Variants in TTC21B observed in about 807,000 individuals in gnomAD.
TTC21B encodes tetratricopeptide repeat protein 21B.
A neutral mutation model predicts 175.1 loss-of-function variants in TTC21B; 127 were observed. That is an observed-to-expected ratio of 0.73 (90% CI 0.63 to 0.84). TTC21B has a LOEUF of 0.84. TTC21B is among the 40% of genes least tolerant of loss of function. The pLI is 0.00. For synonymous variants in TTC21B, 524 were observed against 524.5 expected, an observed-to-expected ratio of 1.00 and a Z score of 0.01; for missense variants, 1,561 against 1,558.3, an observed-to-expected ratio of 1.00 and a Z score of -0.03.
At chr2:165,899,986 A>T in intron 20 of TTC21B, 106 bp from the exon 21 acceptor site, 1 of 678,674 alleles carries the variant, frequency 1.5e-6, no homozygotes, top group Non-Finnish European at 2.7e-6. Flanking sequence ...AGTCATTGCA[A>T]TAAAATGCCA....
chr2:165,941,802 T>A (rs1687378182), intron 5 of TTC21B, among the ~76,000 whole-genome samples: 1 of 152,110 alleles, frequency 6.6e-6, no homozygotes, highest in African/African-American at 2.4e-5. Flanking sequence ...TAATAAAATG[T>A]TAAGTAATCA....
chr2:165,946,897 C>T (rs1291668692), intron 3 of TTC21B, among the ~76,000 whole-genome samples: 1 of 151,658 alleles, frequency 6.6e-6, no homozygotes, highest in Non-Finnish European at 1.5e-5. Context: ...AATAGAAAGG[C>T]TGTATATACT....
chr2:165,928,708 CT>C (rs72386101), intron 11 of TTC21B: 50,744 of 161,168 alleles, frequency 0.31, 7,221 homozygotes, highest in Non-Finnish European at 0.39. Context: ...ATGGTCCTTT[CT>C]TTTTTTTTTT....
chr2:165,923,001 C>T (rs1686473556), intron 12 of TTC21B, among the ~76,000 whole-genome samples: 1 of 152,142 alleles, frequency 6.6e-6, no homozygotes, highest in Admixed American at 6.5e-5. Context: ...AAACCAAATA[C>T]TGTATGTTCT....
Position 165,888,409 on chromosome 2 carries a change from T to G in TTC21B, c.3329A>C (p.Glu1110Ala). ...ACCCTGAACAGTCTGAGGTTTTAGT[T>G]CCTTAAGAAGTTTTTCTGCTGTTCT... ...AVRTAEKLLK[E>A]LKPQTVQGHV... Residue 1110 changes from glutamate to alanine, a missense_variant, in exon 25 of 29, where the codon GAA becomes GCA. Transcript: ENST00000243344. The G allele has an allele frequency of 6.2e-7, 1 of 1,613,952 alleles. No individual in the cohort carries two copies. The highest frequency in any genetic ancestry group is 1.1e-5 in the South Asian group (1 of 91,080).
chr2:165,930,402 TA>T (rs1438402052), intron 8 of TTC21B, 38 bp from the exon 9 acceptor site: 1 of 1,452,964 alleles, frequency 6.9e-7, no homozygotes, highest in Non-Finnish European at 9.5e-7. Context: ...TTTCAAAGTC[TA>T]ACATTTCTAC....
rs200255917 is a variant in TTC21B at position 165,932,985 on chromosome 2, C to A, written c.783G>T (p.Gly261=). The A allele has an allele frequency of 8.2e-5, 132 of 1,612,612 alleles. No homozygotes were observed. Among genetic ancestry groups the A allele is most frequent in the Admixed American group, 1.3e-4 (8 of 59,968 alleles). The change falls in exon 7 of 29, where the codon GGG becomes GGT. Residue 261 remains glycine, a synonymous_variant. Transcript: ENST00000243344. ...MQALYYVCRE[G]DIEKASTKLE... is the part of the protein sequence containing the mutation. Reference sequence around the variant, plus strand: ...CAATGCCACTTACCTTCTCTATATCCCCCTCTCTACACACATAGTAGAGTG... The same window carrying A: ...CAATGCCACTTACCTTCTCTATATCACCCTCTCTACACACATAGTAGAGTG...
At position 165,901,872 on chromosome 2, in the gene TTC21B, C is replaced by A. The variant is rs779420359; in HGVS notation, c.2607G>T (p.Gln869His). ...ELQARVLKRV[Q>H]MEQPDAVPAQ... ...CAGGAACTGCATCTGGCTGTTCCAT[C>A]TGAACACGTTTTAGTACCCGAGCTT... The change falls in exon 20 of 29, where the codon CAG becomes CAT. Residue 869 changes from glutamine (Q) to histidine (H), a missense_variant. Gln to His is a conservative substitution (Grantham distance 24). Transcript: ENST00000243344. The A allele has an allele frequency of 1.9e-6, 3 of 1,613,590 alleles. No individual in the cohort carries two copies. The highest frequency in any genetic ancestry group is 2.5e-6 in the Non-Finnish European group (3 of 1,179,944).
At chr2:165,931,072 C>A (rs1419046316) in intron 8 of TTC21B, among the ~76,000 whole-genome samples, 3 of 152,018 alleles carry the variant, frequency 2.0e-5, no homozygotes, top group African/African-American at 7.2e-5. Flanking sequence ...CTCCTTAATT[C>A]AAACTTTCGT....
intron 14 of TTC21B, 21 bp downstream of exon 14, chr2:165,917,236 T>C (rs1686208611): frequency 6.2e-7 from 1 of 1,606,258 alleles, no homozygotes; most frequent in African/African-American, 1.3e-5. Flanking sequence ...ATCCGAGCCC[T>C]TAAATTAAAA....
At chr2:165,914,680 T>TGTGTGTGTACGTGCGCGCGCGCGC (rs1553511345) in intron 15 of TTC21B, among the ~76,000 whole-genome samples, 5 of 144,228 alleles carry the variant, frequency 3.5e-5, no homozygotes, top group South Asian at 2.2e-4. Context: ...TGTGTGTGTG[T>TGTGTGTGTACGTGCGCGCGCGCGC]GTGTGTGTGT....
intron 22 of TTC21B, among the ~76,000 whole-genome samples, chr2:165,897,842 T>C (rs1463820509): frequency 6.6e-6 from 1 of 152,108 alleles, no homozygotes; most frequent in African/African-American, 2.4e-5. Context: ...GTTTAGGATC[T>C]CAGAGACAAA....
intron 27 of TTC21B, among the ~76,000 whole-genome samples, chr2:165,879,143 A>G (rs1684763962): frequency 6.6e-6 from 1 of 152,320 alleles, no homozygotes; most frequent in East Asian, 1.9e-4. Flanking sequence ...GCAAAGCTAG[A>G]GGAACTGATA....
chr2:165,916,950 C>T (rs1222182098), intron 14 of TTC21B, among the ~76,000 whole-genome samples: 3 of 152,170 alleles, frequency 2.0e-5, no homozygotes, highest in Non-Finnish European at 4.4e-5. Context: ...CATCTCGGCT[C>T]ACTGCAACCT....
In TTC21B at chr2:165,899,814, C is replaced by A. The variant is rs749920942; in HGVS notation, c.2824G>T (p.Ala942Ser). The change falls in exon 21 of 29, where the codon GCT becomes TCT. Residue 942 changes from alanine (A) to serine (S), a missense_variant. Physicochemically the swap from Ala to Ser is moderately conservative, Grantham distance 99. Coordinates refer to ENST00000243344, the MANE Select transcript of TTC21B (RefSeq NM_024753.5). ...DDPDSCLRQC[A>S]LLLQSDQDNE... Reference sequence around the variant, plus strand: ...TCCTGGTCACTCTGAAGCAGTAGAGCACACTGCCGCAGGCAGGAATCAGGG... The same window carrying A: ...TCCTGGTCACTCTGAAGCAGTAGAGAACACTGCCGCAGGCAGGAATCAGGG... The A allele has an allele frequency of 3.1e-6, 5 of 1,613,984 alleles. No homozygotes were observed. In the South Asian group the frequency reaches 5.5e-5, roughly 18 times the overall value.
intron 19 of TTC21B, among the ~76,000 whole-genome samples, chr2:165,904,145 C>T (rs1685652559): frequency 7.6e-6 from 1 of 131,196 alleles, no homozygotes; most frequent in Admixed American, 8.4e-5. Flanking sequence ...GTGAACTAAG[C>T]TAAATTTATT....
In TTC21B at chr2:165,911,359, T is replaced by G; in HGVS notation, c.2429A>C (p.Lys810Thr). The change falls in exon 18 of 29, where the codon AAA becomes ACA. Residue 810 changes from lysine to threonine, a missense_variant. Lys to Thr is a moderately conservative substitution (Grantham distance 78). Transcript: ENST00000243344. Reference sequence around the variant, plus strand: ...ATGAGCCAGAGCATGCTGAAGAACTTTTTCTGCTTTGTCATACCATTTCAA... The same window carrying G: ...ATGAGCCAGAGCATGCTGAAGAACTGTTTCTGCTTTGTCATACCATTTCAA... ...LKLKWYDKAE[K>T]VLQHALAHEP... is the part of the protein sequence containing the mutation. The G allele has an allele frequency of 1.2e-6, 2 of 1,613,922 alleles. No homozygotes were observed. Among genetic ancestry groups the G allele is most frequent in the Non-Finnish European group, 1.7e-6 (2 of 1,179,898 alleles).
intron 27 of TTC21B, among the ~76,000 whole-genome samples, chr2:165,878,809 G>A (rs960041899): frequency 1.3e-5 from 2 of 151,524 alleles, no homozygotes; most frequent in Non-Finnish European, 2.9e-5. Context: ...AGCCTCCTGA[G>A]TTGCTGGGAT....
intron 27 of TTC21B, among the ~76,000 whole-genome samples, chr2:165,877,502 G>A (rs1404567991): frequency 1.3e-5 from 2 of 152,122 alleles, no homozygotes; most frequent in Non-Finnish European, 2.9e-5. Context: ...ATTCATGACA[G>A]TAACATGCTG....
Sources: allele counts gnomAD v4.1 joint callset (sites outside exome capture counted in the v4.1 genomes callset), GRCh38; gene constraint gnomAD v4.1.1; transcripts MANE v1.5; gene names NCBI Gene and HGNC (gene_info 2026-07-23, HGNC 2026-07-21).